RAB5C: variants seen among roughly 807,000 people sequenced by gnomAD.
RAB5C encodes the protein ras-related protein Rab-5C.
In RAB5C, 4 loss-of-function variants were observed where a neutral mutation model predicts 25.2. That is an observed-to-expected ratio of 0.16 (90% CI 0.08 to 0.36). The LOEUF (loss-of-function observed/expected upper bound fraction) is 0.36. Among genes scored for constraint, RAB5C ranks in the 10% least tolerant of loss-of-function variants. RAB5C has a pLI of 1.00. For missense variants in RAB5C, 199 were observed against 283.8 expected (o/e 0.70, Z 2.15); for synonymous variants, 100 against 106.4 (o/e 0.94, Z 0.37).
chr17:42,130,599 G>A lies in RAB5C; in HGVS notation c.-88-9C>T. 4 of 1,555,930 alleles carry A rather than the reference G, an allele frequency of 2.6e-6. No individual in the cohort carries two copies. Among genetic ancestry groups the A allele is most frequent in the Non-Finnish European group, 3.5e-6 (4 of 1,150,808 alleles). ...GGGAGGGGGACCTCCAACTGTAAGG[G>A]AGAAATGAGAAGTACTGAGTTAGTT... is the stretch of plus-strand genomic sequence containing the variant. On this transcript the variant is annotated splice_polypyrimidine_tract_variant and intron_variant, in intron 1 of 5. Coordinates refer to ENST00000346213, the MANE Select transcript of RAB5C (RefSeq NM_004583.4).
chr17:42,132,142 A>G (rs2054492508), intron 1 of RAB5C, among the ~76,000 whole-genome samples: 1 of 152,236 alleles, frequency 6.6e-6, no homozygotes, highest in South Asian at 2.1e-4. Context: ...AGAAGCTGAC[A>G]GCAAAGGGCT....
At position 42,142,216 on chromosome 17, in the gene RAB5C, G is replaced by A. The variant is rs1387697554; in HGVS notation, c.-88-11626C>T. Among the ~76,000 whole-genome samples the A allele has an allele frequency of 2.0e-5, 3 of 148,532 alleles. No individual in the cohort carries two copies. The East Asian group carries it at 5.9e-4, about 29-fold the overall frequency. ...ACAAAGCATCTTGGGTTTTTTTTTG[G>A]TAGAGATGGGGTTTCATCATGTTGC... On this transcript the variant is annotated intron_variant, in intron 1 of 5. Transcript: ENST00000346213.
chr17:42,153,484 A>G (rs1474479264), intron 1 of RAB5C, among the ~76,000 whole-genome samples: 2 of 152,206 alleles, frequency 1.3e-5, no homozygotes, highest in Non-Finnish European at 2.9e-5. Context: ...TAGGAATCAG[A>G]TACTAGCCAC....
intron 2 of RAB5C, chr17:42,130,119 T>A: frequency 1.6e-6 from 1 of 610,396 alleles, no homozygotes; most frequent in Non-Finnish European, 2.7e-6. Flanking sequence ...GGAAGCTAGC[T>A]TTCCACTCCC....
intron 1 of RAB5C, among the ~76,000 whole-genome samples, chr17:42,147,104 GACAGAAAGAAAGAAAGAA>G (rs1375815228): frequency 4.0e-5 from 6 of 149,660 alleles, no homozygotes; most frequent in African/African-American, 1.5e-4. Flanking sequence ...AAGAAGGAAA[GACAGAAAGAAAGAAAGAA>G]ACAGAAAGAA....
At chr17:42,142,197 C>T (rs933682359) in intron 1 of RAB5C, among the ~76,000 whole-genome samples, 10 of 150,164 alleles carry the variant, frequency 6.7e-5, no homozygotes, top group African/African-American at 2.2e-4. Flanking sequence ...TAACACAAAG[C>T]ATCTTGGGTT....
intron 4 of RAB5C, among the ~76,000 whole-genome samples, chr17:42,127,252 C>G (rs755738823): frequency 6.6e-6 from 1 of 152,186 alleles, no homozygotes; most frequent in Non-Finnish European, 1.5e-5. Context: ...TTATCATATA[C>G]AGTATGTATA....
At chr17:42,126,315 A>C (rs1443395682) in intron 5 of RAB5C, among the ~76,000 whole-genome samples, 1 of 152,100 alleles carries the variant, frequency 6.6e-6, no homozygotes. Context: ...GTGATGATGA[A>C]AACAATTTTA....
intron 1 of RAB5C, among the ~76,000 whole-genome samples, chr17:42,153,501 G>A (rs1433338551): frequency 2.6e-5 from 4 of 152,142 alleles, no homozygotes; most frequent in African/African-American, 9.7e-5. Context: ...CCACTGTCCA[G>A]AAGCCCTCAA....
At chr17:42,133,387 A>T (rs753847431) in intron 1 of RAB5C, among the ~76,000 whole-genome samples, 2 of 152,228 alleles carry the variant, frequency 1.3e-5, no homozygotes, top group Non-Finnish European at 2.9e-5. Flanking sequence ...AGAAAAATAC[A>T]GGTAACAGAT....
At chr17:42,128,994 G>A (rs529626426) in intron 2 of RAB5C, among the ~76,000 whole-genome samples, 194 bp from the exon 3 acceptor site, 7 of 151,964 alleles carry the variant, frequency 4.6e-5, no homozygotes, top group Admixed American at 3.9e-4. Context: ...TGGGGGACGG[G>A]GTCTGCACAG....
chr17:42,136,918 G>A (rs1393614185), intron 1 of RAB5C, among the ~76,000 whole-genome samples: 1 of 152,156 alleles, frequency 6.6e-6, no homozygotes, highest in Non-Finnish European at 1.5e-5. Context: ...CATAACCCCT[G>A]TTACTAAAAA....
At chr17:42,152,566 G>C (rs1286011504) in intron 1 of RAB5C, among the ~76,000 whole-genome samples, 2 of 152,046 alleles carry the variant, frequency 1.3e-5, no homozygotes, top group Non-Finnish European at 2.9e-5. Flanking sequence ...ATCATCTGAG[G>C]TCAGGAGTTC....
intron 1 of RAB5C, among the ~76,000 whole-genome samples, chr17:42,153,590 C>T (rs1347504260): frequency 6.6e-6 from 1 of 152,148 alleles, no homozygotes; most frequent in Non-Finnish European, 1.5e-5. Context: ...CACTGAAGAG[C>T]TACAGAAGTT....
chr17:42,134,980 GTTTT>G (rs528680102), intron 1 of RAB5C, among the ~76,000 whole-genome samples: 2 of 134,930 alleles, frequency 1.5e-5, no homozygotes, highest in Admixed American at 7.3e-5. Context: ...TTTTTCTTAA[GTTTT>G]TTTTTTTTTT....
At chr17:42,136,960 T>C (rs1398600997) in intron 1 of RAB5C, among the ~76,000 whole-genome samples, 2 of 152,224 alleles carry the variant, frequency 1.3e-5, no homozygotes, top group Non-Finnish European at 2.9e-5. Flanking sequence ...ATGCATGTTT[T>C]TAAAAAATGT....
intron 1 of RAB5C, among the ~76,000 whole-genome samples, chr17:42,135,929 A>G (rs1272747979): frequency 2.0e-5 from 3 of 152,188 alleles, no homozygotes; most frequent in Admixed American, 2.0e-4. Context: ...GGCGGGGCGT[A>G]GAGACTAGCT....
chr17:42,128,716 T>C lies in RAB5C; in HGVS notation c.251A>G (p.His84Arg). ...CCGATAGTACATGGGGGCCAGGCTG[T>C]GATACCGCTCCTGTCCAGCTGTGTC... ...IWDTAGQERY[H>R]SLAPMYYRGA... The change falls in exon 3 of 6, where the codon CAC (histidine) becomes CGC (arginine). Residue 84 changes from histidine (H) to arginine (R), a missense_variant. His to Arg is a conservative substitution (Grantham distance 29). Coordinates refer to ENST00000346213, the MANE Select transcript of RAB5C (RefSeq NM_004583.4). 1 of 1,582,130 alleles carries C rather than the reference T, an allele frequency of 6.3e-7. No homozygotes were observed. The highest frequency in any genetic ancestry group is 8.6e-7 in the Non-Finnish European group (1 of 1,165,056).
intron 1 of RAB5C, among the ~76,000 whole-genome samples, chr17:42,146,997 C>CAAGA (rs758677956): frequency 1.5e-4 from 20 of 134,758 alleles, no homozygotes; most frequent in Admixed American, 4.5e-4. Context: ...AAGACTTCGT[C>CAAGA]AAGAAAGAAA....
Sources: gnomAD v4.1 joint callset for allele counts (sites outside exome capture counted in the v4.1 genomes callset) on GRCh38, gnomAD v4.1.1 for gene constraint, MANE v1.5 for transcripts, NCBI Gene and HGNC (gene_info 2026-07-23, HGNC 2026-07-21) for gene names.